TYW1: variants seen among roughly 807,000 people sequenced by gnomAD.
TYW1 encodes the protein tRNA-yW synthesizing protein 1 homolog.
Under a neutral mutation model 96.2 loss-of-function variants are expected in TYW1, and 46 were observed. That is an observed-to-expected ratio of 0.48 (90% CI 0.38 to 0.61). The LOEUF (loss-of-function observed/expected upper bound fraction) is 0.61, where lower values mean the gene tolerates loss of function less well. TYW1 is among the 20% of genes least tolerant of loss of function. The pLI is 0.00. For synonymous variants in TYW1, 274 were observed against 323.0 expected, an observed-to-expected ratio of 0.85 and a Z score of 1.63; for missense variants, 684 against 909.6, an observed-to-expected ratio of 0.75 and a Z score of 3.19.
At chr7:67,163,976 A>G (rs1484509706) in intron 13 of TYW1, among the ~76,000 whole-genome samples, 1 of 152,154 alleles carries the variant, frequency 6.6e-6, no homozygotes, top group Non-Finnish European at 1.5e-5. Context: ...GCAGAGCAGG[A>G]GAGTTTTAAG....
intron 5 of TYW1, among the ~76,000 whole-genome samples, chr7:67,017,222 A>G (rs1487509293): frequency 6.6e-6 from 1 of 152,084 alleles, no homozygotes; most frequent in Non-Finnish European, 1.5e-5. Context: ...GCCTGAAACA[A>G]TCTGCCTGCC....
At chr7:67,092,437 A>G (rs1796752161) in intron 11 of TYW1, among the ~76,000 whole-genome samples, 1 of 152,058 alleles carries the variant, frequency 6.6e-6, no homozygotes, top group African/African-American at 2.4e-5. Flanking sequence ...CATGTGACTC[A>G]GGTTCCCTAG....
chr7:67,167,399 G>A (rs1197285541), intron 13 of TYW1, among the ~76,000 whole-genome samples: 5 of 148,694 alleles, frequency 3.4e-5, no homozygotes, highest in African/African-American at 1.2e-4. Flanking sequence ...AACTTGGGAG[G>A]CAGAGGTTGC....
At chr7:67,149,714 G>GA (rs201725802) in intron 13 of TYW1, among the ~76,000 whole-genome samples, 38,717 of 136,384 alleles carry the variant, frequency 0.28, 5,613 homozygotes, top group African/African-American at 0.4. Flanking sequence ...GTCAAAAAAG[G>GA]AAAAAAAATA....
intron 1 of TYW1, 32 bp downstream of exon 1, chr7:66,997,014 G>A (rs1793189037): frequency 6.2e-7 from 1 of 1,613,776 alleles, no homozygotes; most frequent in Non-Finnish European, 8.5e-7. Flanking sequence ...GGACCCTGGG[G>A]CGGCAGGGGA....
intron 11 of TYW1, among the ~76,000 whole-genome samples, chr7:67,086,412 C>T (rs1289409605): frequency 1.3e-5 from 2 of 152,038 alleles, no homozygotes; most frequent in African/African-American, 2.4e-5. Flanking sequence ...TCCAGAAAAA[C>T]AGAACCAGTG....
chr7:67,083,399 G>A (rs1204959386), intron 10 of TYW1, 31 bp from the exon 11 acceptor site: 3 of 1,603,736 alleles, frequency 1.9e-6, no homozygotes, highest in Admixed American at 1.7e-5. Flanking sequence ...ATTACAGAAG[G>A]GTCTTTTAGA....
intron 13 of TYW1, among the ~76,000 whole-genome samples, chr7:67,138,645 C>G (rs961361747): frequency 6.6e-5 from 10 of 152,098 alleles, no homozygotes; most frequent in African/African-American, 2.4e-4. Flanking sequence ...TTCCCAGCCT[C>G]TGGTAACCAT....
intron 7 of TYW1, among the ~76,000 whole-genome samples, chr7:67,042,786 C>G (rs1795074000): frequency 6.6e-6 from 1 of 152,004 alleles, no homozygotes; most frequent in Non-Finnish European, 1.5e-5. Context: ...CACCTGAGGT[C>G]TGGAGTTCAA....
In TYW1 at chr7:66,996,876, C is replaced by T; in HGVS notation, c.-103C>T. 3.8e-6 allele frequency: 6 copies of T among 1,588,404 alleles called. No homozygotes were observed. The highest frequency in any genetic ancestry group is 5.1e-6 in the Non-Finnish European group (6 of 1,166,864). ...CCCACAGGTCTGCAGGCACTCGGTACGCCGCTAACGCGGCGAGGTAGCTCG... is the reference window on the plus strand; with the variant it reads ...CCCACAGGTCTGCAGGCACTCGGTATGCCGCTAACGCGGCGAGGTAGCTCG... On this transcript the variant is annotated 5_prime_UTR_variant, in exon 1 of 16. In the 5' UTR this introduces an upstream ATG that the reference lacks. Coordinates refer to ENST00000359626, the MANE Select transcript of TYW1 (RefSeq NM_018264.4).
At chr7:67,062,332 C>T (rs527305276) in intron 9 of TYW1, among the ~76,000 whole-genome samples, 3 of 151,958 alleles carry the variant, frequency 2.0e-5, no homozygotes, top group South Asian at 2.1e-4. Context: ...TCACTCAAAC[C>T]CGGGAGGCGG....
chr7:67,231,726 C>T (rs576130986), intron 15 of TYW1, among the ~76,000 whole-genome samples: 4,785 of 151,676 alleles, frequency 0.032, 226 homozygotes, highest in African/African-American at 0.11. Flanking sequence ...TTTGAAATTT[C>T]GCTATAATGT....
intron 14 of TYW1, among the ~76,000 whole-genome samples, chr7:67,183,874 T>C (rs1799918860): frequency 6.6e-6 from 1 of 152,134 alleles, no homozygotes; most frequent in Admixed American, 6.5e-5. Flanking sequence ...GTCACCCAGG[T>C]TGGAGTGCAG....
chr7:67,181,946 A>G (rs1220022327), intron 13 of TYW1, among the ~76,000 whole-genome samples: 2 of 152,084 alleles, frequency 1.3e-5, no homozygotes, highest in Admixed American at 1.3e-4. Flanking sequence ...CTCCTGCCTC[A>G]GCCTCCCAAG....
intron 7 of TYW1, among the ~76,000 whole-genome samples, chr7:67,033,043 C>T (rs546008139): frequency 6.9e-4 from 104 of 151,604 alleles, no homozygotes; most frequent in Non-Finnish European, 1.1e-3. Context: ...ATTACAGGTG[C>T]GTACCACCAC....
intron 13 of TYW1, among the ~76,000 whole-genome samples, chr7:67,177,798 C>T (rs1483845348): frequency 6.6e-6 from 1 of 151,854 alleles, no homozygotes; most frequent in Non-Finnish European, 1.5e-5. Context: ...TATACATATC[C>T]CCCATGACCC....
At chr7:67,063,985 G>T (rs912446003) in intron 9 of TYW1, among the ~76,000 whole-genome samples, 3 of 152,182 alleles carry the variant, frequency 2.0e-5, no homozygotes, top group Admixed American at 2.0e-4. Flanking sequence ...AATATGCTTC[G>T]ATTTACATTT....
intron 14 of TYW1, among the ~76,000 whole-genome samples, chr7:67,185,168 C>G (rs985480121): frequency 2.0e-5 from 3 of 151,962 alleles, no homozygotes; most frequent in African/African-American, 7.3e-5. Flanking sequence ...TGGGCTGGGG[C>G]AGCTTTTATG....
At chr7:67,114,758 T>G in intron 12 of TYW1, among the ~76,000 whole-genome samples, 1 of 152,210 alleles carries the variant, frequency 6.6e-6, no homozygotes. Context: ...CTCTTCTGGG[T>G]GAATAGAGAC....
Sources: allele counts gnomAD v4.1 joint callset (sites outside exome capture counted in the v4.1 genomes callset), GRCh38; gene constraint gnomAD v4.1.1; transcripts MANE v1.5; gene names NCBI Gene and HGNC (gene_info 2026-07-23, HGNC 2026-07-21).